Variants in TRAPPC9 observed in about 807,000 individuals in gnomAD.
TRAPPC9 encodes the protein trafficking protein particle complex subunit 9.
A neutral mutation model predicts 124.0 loss-of-function variants in TRAPPC9; 83 were observed. The ratio of observed to expected loss-of-function variants is 0.67; its 90% CI spans 0.56 to 0.80. The LOEUF is 0.80. Ranked by LOEUF, TRAPPC9 falls within the 30% of genes least tolerant of loss-of-function variation. The probability of loss-of-function intolerance (pLI) is 0.00; values close to 1 mark genes in which losing one functional copy is unlikely to be tolerated. For synonymous variants in TRAPPC9, 638 were observed against 617.5 expected (o/e 1.03, Z -0.49); for missense variants, 1,302 against 1,508.3 (o/e 0.86, Z 2.27).
intron 9 of TRAPPC9, among the ~76,000 whole-genome samples, chr8:140,337,763 AG>A (rs1221365760): frequency 6.6e-6 from 1 of 152,166 alleles, no homozygotes. Flanking sequence ...GGTGGAGCCA[AG>A]GCTTAGGAGG....
intron 5 of TRAPPC9, among the ~76,000 whole-genome samples, chr8:140,421,759 T>A (rs1231952974): frequency 6.6e-5 from 10 of 152,070 alleles, no homozygotes; most frequent in Admixed American, 6.6e-4. Context: ...CGAAATGGAA[T>A]CAATCAAATA....
intron 8 of TRAPPC9, among the ~76,000 whole-genome samples, chr8:140,366,582 A>G (rs960332838): frequency 6.6e-6 from 1 of 152,216 alleles, no homozygotes; most frequent in African/African-American, 2.4e-5. Context: ...CTCAAAACAG[A>G]TCATAAACCC....
chr8:140,305,777 T>C (rs1003099673), intron 10 of TRAPPC9, among the ~76,000 whole-genome samples: 18 of 152,242 alleles, frequency 1.2e-4, no homozygotes, highest in African/African-American at 3.9e-4. Flanking sequence ...AGAACTCATG[T>C]CTGCAAAGAG....
intron 2 of TRAPPC9, among the ~76,000 whole-genome samples, chr8:140,441,232 C>T (rs1241854613): frequency 6.6e-6 from 1 of 151,920 alleles, no homozygotes; most frequent in Non-Finnish European, 1.5e-5. Flanking sequence ...CCTCTTGCCT[C>T]AGCCTCCCAA....
intron 19 of TRAPPC9, among the ~76,000 whole-genome samples, chr8:139,945,886 TA>T (rs1441339990): frequency 1.3e-5 from 2 of 152,210 alleles, no homozygotes; most frequent in African/African-American, 2.4e-5. Context: ...AACAGATGGA[TA>T]AAAAGGTGGA....
intron 21 of TRAPPC9, among the ~76,000 whole-genome samples, chr8:139,867,218 A>G (rs1037083933): frequency 1.3e-5 from 2 of 152,206 alleles, no homozygotes; most frequent in Non-Finnish European, 2.9e-5. Context: ...ATGAACCTGG[A>G]ATATCTTGTG....
rs114424987 is a variant in TRAPPC9 at position 140,112,105 on chromosome 8, C to T, written c.2557-88026G>A. On this transcript the variant is annotated intron_variant, in intron 17 of 22. Coordinates refer to ENST00000438773, the MANE Select transcript of TRAPPC9 (RefSeq NM_001160372.4). ...AGGAATAATAATACTGACATGTCAA[C>T]GGGAAGCTTTGGCTCGCCTTGCCTT... Among the ~76,000 whole-genome samples the T allele has an allele frequency of 6.3e-3, 966 of 152,364 alleles. 10 individuals carry two copies. Among genetic ancestry groups the T allele is most frequent in the African/African-American group, 0.02 (850 of 41,586 alleles).
At chr8:140,424,867 A>G (rs2070367122) in intron 5 of TRAPPC9, among the ~76,000 whole-genome samples, 1 of 152,144 alleles carries the variant, frequency 6.6e-6, no homozygotes, top group African/African-American at 2.4e-5. Context: ...GTAGGAAAAA[A>G]ATTTGGAAAC....
chr8:140,152,235 T>TAA (rs71320343), intron 17 of TRAPPC9, among the ~76,000 whole-genome samples: 1,386 of 106,588 alleles, frequency 0.013, 27 homozygotes, highest in African/African-American at 0.027. Context: ...ACTTAAGCTT[T>TAA]AAAAAAAAAA....
intron 18 of TRAPPC9, among the ~76,000 whole-genome samples, chr8:140,010,543 T>C (rs891055820): frequency 1.3e-5 from 2 of 152,084 alleles, no homozygotes; most frequent in African/African-American, 2.4e-5. Context: ...AGATTACATA[T>C]AAGAGAATAC....
intron 11 of TRAPPC9, chr8:140,291,383 C>T (rs555154992): frequency 8.6e-5 from 38 of 442,334 alleles, no homozygotes; most frequent in South Asian, 6.9e-4. Context: ...AGGCACACTG[C>T]GCTTCACGGG....
At chr8:140,177,783 TTATAATTGTCTTGGGAATAGACAATCTCC>T in intron 17 of TRAPPC9, among the ~76,000 whole-genome samples, 1 of 152,154 alleles carries the variant, frequency 6.6e-6, no homozygotes, top group East Asian at 1.9e-4. Context: ...AGACAATCTT[TTATAATTGTCTTGGGAATAGACAATCTCC>T]TATAATTGTC....
intron 19 of TRAPPC9, among the ~76,000 whole-genome samples, chr8:139,921,605 G>A (rs187095587): frequency 2.6e-5 from 4 of 152,224 alleles, no homozygotes; most frequent in Admixed American, 6.5e-5. Flanking sequence ...AGGGGAGCTG[G>A]CAGGTAGAGG....
chr8:139,867,492 G>A (rs749636808), intron 21 of TRAPPC9, among the ~76,000 whole-genome samples: 3 of 152,162 alleles, frequency 2.0e-5, no homozygotes, highest in Non-Finnish European at 2.9e-5. Flanking sequence ...GCACCTTCCC[G>A]CAAGATACTT....
At chr8:139,846,886 C>T (rs1002799083) in intron 21 of TRAPPC9, among the ~76,000 whole-genome samples, 2 of 152,228 alleles carry the variant, frequency 1.3e-5, no homozygotes, top group Non-Finnish European at 2.9e-5. Flanking sequence ...AAGACCACAG[C>T]AAATCAATCC....
rs147208244 is a variant in TRAPPC9, at chr8:139,949,739, G to T, written c.2810+38987C>A. Reference sequence around the variant, plus strand: ...AGATCAATGGTTGCCTAGGGCTGGGGGTGGGGGAAGTGGAAAGGGGGAGTG... The same window carrying T: ...AGATCAATGGTTGCCTAGGGCTGGGTGTGGGGGAAGTGGAAAGGGGGAGTG... On this transcript the variant is annotated intron_variant, in intron 19 of 22. Transcript: ENST00000438773. Among the ~76,000 whole-genome samples, 45 of 152,236 alleles carry T rather than the reference G, an allele frequency of 3.0e-4. No homozygotes were observed. The East Asian group carries it at 8.1e-3, about 27-fold the overall frequency.
Position 139,728,160 on chromosome 8 carries a change from G to T in TRAPPC9, c.*2901C>A, listed in dbSNP as rs1476605151. ...GTAACTTGTCCAAGGTCAAGGAGTT[G>T]ACAAGTGGCTGAGCTGGAGTTCAGC... On this transcript the variant is annotated 3_prime_UTR_variant, in exon 23 of 23. Coordinates refer to ENST00000438773, the MANE Select transcript of TRAPPC9 (RefSeq NM_001160372.4). Among the ~76,000 whole-genome samples, 1 of 152,200 alleles carries T rather than the reference G, an allele frequency of 6.6e-6. No homozygotes were observed. Among genetic ancestry groups the T allele is most frequent in the East Asian group, 1.9e-4 (1 of 5,194 alleles).
chr8:140,046,722 G>A (rs1041652905), intron 17 of TRAPPC9, among the ~76,000 whole-genome samples: 1 of 152,118 alleles, frequency 6.6e-6, no homozygotes, highest in African/African-American at 2.4e-5. Flanking sequence ...ATTCTTCAAT[G>A]CCCCATACCC....
chr8:140,400,182 T>C (rs549020374), intron 6 of TRAPPC9, among the ~76,000 whole-genome samples: 1 of 152,312 alleles, frequency 6.6e-6, no homozygotes, highest in East Asian at 1.9e-4. Context: ...AGTACGTCTT[T>C]ATCAGCAGCA....
Sources: gnomAD v4.1 joint callset for allele counts (sites outside exome capture counted in the v4.1 genomes callset) on GRCh38, gnomAD v4.1.1 for gene constraint, MANE v1.5 for transcripts, NCBI Gene and HGNC (gene_info 2026-07-23, HGNC 2026-07-21) for gene names.